The following SLC25A40 variants were observed in gnomAD, a reference collection of about 807,000 sequenced individuals.
SLC25A40 encodes solute carrier family 25 member 40.
SLC25A40 carries 41 observed loss-of-function variants against 46.5 expected under a neutral mutation model. The observed-to-expected ratio is 0.88, with a 90% CI of 0.69 to 1.14. The LOEUF (loss-of-function observed/expected upper bound fraction) is 1.14, where lower values mean the gene tolerates loss of function less well. Among genes scored for constraint, SLC25A40 ranks in the 50% most tolerant of loss-of-function variants. The pLI is 0.00. For synonymous variants in SLC25A40, 126 were observed against 127.5 expected (o/e 0.99, Z 0.08); for missense variants, 386 against 393.6 (o/e 0.98, Z 0.16).
At chr7:87,871,792 A>G (rs577114731) in intron 1 of SLC25A40, among the ~76,000 whole-genome samples, 34 of 152,320 alleles carry the variant, frequency 2.2e-4, no homozygotes, top group African/African-American at 7.7e-4. Flanking sequence ...TGCCTTTCTT[A>G]AAATGCACAT....
Position 87,856,309 on chromosome 7 carries a change from T to C in SLC25A40, c.140A>G (p.Asn47Ser). 6.2e-7 allele frequency: 1 copy of C among 1,613,118 alleles called. No homozygotes were observed. The highest frequency in any genetic ancestry group is 8.5e-7 in the Non-Finnish European group (1 of 1,179,388). Reference sequence around the variant, plus strand: ...ACACATACCTTTGGGGAGTGGGTTGTTTTGGGCTTGGAGTCTAATTTTAAC... The same window carrying C: ...ACACATACCTTTGGGGAGTGGGTTGCTTTGGGCTTGGAGTCTAATTTTAAC... Reference protein sequence around the residue: ...DVVKIRLQAQNNPLPKGKCFV... With the variant: ...DVVKIRLQAQSNPLPKGKCFV... Residue 47 changes from asparagine (N) to serine (S), a missense_variant, in exon 4 of 12, where the codon AAC becomes AGC. Coordinates refer to ENST00000341119, the MANE Select transcript of SLC25A40 (RefSeq NM_018843.4).
chr7:87,866,101 A>G (rs1008435519), intron 1 of SLC25A40, among the ~76,000 whole-genome samples: 4 of 152,066 alleles, frequency 2.6e-5, no homozygotes, highest in African/African-American at 9.7e-5. Context: ...AAAAAAATGA[A>G]TGAATATTAA....
intron 6 of SLC25A40, 83 bp downstream of exon 6, chr7:87,849,798 T>C (rs1584327436): frequency 1.1e-5 from 11 of 1,006,472 alleles, no homozygotes; most frequent in Non-Finnish European, 1.6e-5. Flanking sequence ...ATATTAAAAA[T>C]GCAAGACTTT....
At position 87,858,708 on chromosome 7, in the gene SLC25A40, C is replaced by G; in HGVS notation, c.20G>C (p.Gly7Ala). The G allele has an allele frequency of 6.2e-7, 1 of 1,612,048 alleles. No individual in the cohort carries two copies. The highest frequency in any genetic ancestry group is 8.5e-7 in the Non-Finnish European group (1 of 1,178,366). ...AGGTGTCACTTTGATAATCTCTTGT[C>G]CCCTTGTCTCAGGATCCATATTTTT... Reference protein sequence around the residue: MDPETRGQEIIKVTPLQ... With the variant: MDPETRAQEIIKVTPLQ... Residue 7 changes from glycine (G) to alanine (A), a missense_variant, in exon 3 of 12, where the codon GGA (glycine) becomes GCA (alanine). By Grantham distance (60) the Gly-to-Ala change is moderately conservative. Coordinates refer to ENST00000341119, the MANE Select transcript of SLC25A40 (RefSeq NM_018843.4).
chr7:87,866,262 G>T (rs1562750024), intron 1 of SLC25A40, among the ~76,000 whole-genome samples: 1 of 152,146 alleles, frequency 6.6e-6, no homozygotes, highest in African/African-American at 2.4e-5. Context: ...GTCTAGGAAA[G>T]ACTTTATCTG....
chr7:87,847,185 T>C (rs1310690192), intron 7 of SLC25A40, 63 bp from the exon 8 acceptor site: 1 of 1,191,444 alleles, frequency 8.4e-7, no homozygotes, highest in Admixed American at 2.8e-5. Flanking sequence ...CAAACACATA[T>C]ACTGTAAAAA....
chr7:87,847,494 A>G (rs1276546956), intron 7 of SLC25A40, among the ~76,000 whole-genome samples: 1 of 152,156 alleles, frequency 6.6e-6, no homozygotes, highest in Non-Finnish European at 1.5e-5. Context: ...AACGTTCCTT[A>G]TGATAAAACT....
chr7:87,862,498 C>G (rs1026346098), intron 1 of SLC25A40, among the ~76,000 whole-genome samples: 8 of 152,098 alleles, frequency 5.3e-5, no homozygotes, highest in Admixed American at 2.6e-4. Flanking sequence ...TACTTAATAA[C>G]AAAATTCACT....
chr7:87,860,366 G>C (rs1021318355), intron 2 of SLC25A40, among the ~76,000 whole-genome samples: 3 of 152,038 alleles, frequency 2.0e-5, no homozygotes, highest in African/African-American at 7.3e-5. Flanking sequence ...CCATTCAAAA[G>C]TAGGCTGCAT....
intron 9 of SLC25A40, 93 bp from the exon 10 acceptor site, chr7:87,841,807 T>A: frequency 1.6e-6 from 1 of 639,950 alleles, no homozygotes; most frequent in Non-Finnish European, 2.4e-6. Flanking sequence ...TATTTAAGGA[T>A]AATGAAAACA....
rs1838221923 is a variant in SLC25A40, at chr7:87,833,709, T to TTTG, written c.*2537_*2539dup. The TTTG allele has an allele frequency of 6.6e-6, 1 of 151,844 alleles. No homozygotes were observed. The highest frequency in any genetic ancestry group is 1.5e-5 in the Non-Finnish European group (1 of 67,902). 9.4% of individuals were successfully genotyped at this position (151,844 alleles called of 1,614,324 possible). On this transcript the variant is annotated 3_prime_UTR_variant, in exon 12 of 12. Transcript: ENST00000341119. ...TTAAGTTTAGGGGTACATATGCAGG[T>TTTG]TTGTTACACAGGTAAACTTTTGTGT... is the stretch of plus-strand genomic sequence containing the variant.
At chr7:87,875,673 T>A (rs1242491406) in intron 1 of SLC25A40, among the ~76,000 whole-genome samples, 1 of 152,218 alleles carries the variant, frequency 6.6e-6, no homozygotes, top group Non-Finnish European at 1.5e-5. Flanking sequence ...TTCCACTCCT[T>A]CATTGTTGAA....
Position 87,867,906 on chromosome 7 carries a change from G to T in SLC25A40, c.-93-7266C>A, listed in dbSNP as rs1353881842. Among the ~76,000 whole-genome samples, 5 of 152,248 alleles carry T rather than the reference G, an allele frequency of 3.3e-5. No homozygotes were observed. In the East Asian group the frequency reaches 9.6e-4, roughly 29 times the overall value. Reference sequence around the variant, plus strand: ...CACAGAGAATGTATCACAGCAGTGTGAGAAGGATGGTTAGGCATTTCTGCC... The same window carrying T: ...CACAGAGAATGTATCACAGCAGTGTTAGAAGGATGGTTAGGCATTTCTGCC... On this transcript the variant is annotated intron_variant, in intron 1 of 11. Coordinates refer to ENST00000341119, the MANE Select transcript of SLC25A40 (RefSeq NM_018843.4).
At position 87,836,763 on chromosome 7, in the gene SLC25A40, C is replaced by A; in HGVS notation, c.871G>T (p.Val291Phe). Residue 291 changes from valine (V) to phenylalanine (F), a missense_variant, in exon 11 of 12, where the codon GTT becomes TTT. By Grantham distance (50) the Val-to-Phe change is conservative. Coordinates refer to ENST00000341119, the MANE Select transcript of SLC25A40 (RefSeq NM_018843.4). Reference sequence around the variant, plus strand: ...AATCCGGAAAATCCATTTTTAGCAACAATGTTCTTCATTATAATCCAGGTT... The same window carrying A: ...AATCCGGAAAATCCATTTTTAGCAAAAATGTTCTTCATTATAATCCAGGTT... ...MSTWIIMKNIVAKNGFSGLFS... is the reference protein window; with the variant it reads ...MSTWIIMKNIFAKNGFSGLFS... The A allele has an allele frequency of 1.3e-6, 2 of 1,544,074 alleles. No individual in the cohort carries two copies. The highest frequency in any genetic ancestry group is 1.7e-6 in the Non-Finnish European group (2 of 1,150,592).
chr7:87,872,853 AC>A (rs1404253923), intron 1 of SLC25A40, among the ~76,000 whole-genome samples: 2 of 152,140 alleles, frequency 1.3e-5, no homozygotes, highest in African/African-American at 4.8e-5. Flanking sequence ...TTTAAAGTGA[AC>A]ACACTTAGGA....
intron 3 of SLC25A40, among the ~76,000 whole-genome samples, chr7:87,857,053 A>G (rs1838625978): frequency 6.6e-6 from 1 of 152,202 alleles, no homozygotes; most frequent in African/African-American, 2.4e-5. Flanking sequence ...TATTTACATA[A>G]ACTAGCCAAC....
At chr7:87,853,517 T>C (rs888063350) in intron 5 of SLC25A40, among the ~76,000 whole-genome samples, 2 of 152,196 alleles carry the variant, frequency 1.3e-5, no homozygotes, top group Non-Finnish European at 2.9e-5. Context: ...AGCAGCTTTA[T>C]TCATAATAGC....
intron 5 of SLC25A40, among the ~76,000 whole-genome samples, chr7:87,853,623 C>T (rs973374352): frequency 6.6e-6 from 1 of 152,154 alleles, no homozygotes; most frequent in African/African-American, 2.4e-5. Context: ...ATGATTGACA[C>T]ATGCAACAAC....
At chr7:87,845,965 T>C (rs1838410981) in intron 8 of SLC25A40, among the ~76,000 whole-genome samples, 1 of 152,158 alleles carries the variant, frequency 6.6e-6, no homozygotes, top group Admixed American at 6.5e-5. Flanking sequence ...TGTATGTATA[T>C]CTATGAATCA....
Sources: allele counts gnomAD v4.1 joint callset (sites outside exome capture counted in the v4.1 genomes callset), GRCh38; gene constraint gnomAD v4.1.1; transcripts MANE v1.5; gene names NCBI Gene and HGNC (gene_info 2026-07-23, HGNC 2026-07-21).